Variants in TG observed in about 807,000 individuals in gnomAD.
TG encodes thyroglobulin, also known as thyroid hormones.
In TG, 270 loss-of-function variants were observed where a neutral mutation model predicts 324.7. That is an observed-to-expected ratio of 0.83 (90% CI 0.75 to 0.92). The LOEUF is 0.92. TG is among the 40% of genes least tolerant of loss of function. TG has a pLI of 0.00. For synonymous variants in TG, 1,401 were observed against 1,327.0 expected (o/e 1.06, Z -1.21); for missense variants, 3,591 against 3,456.4 (o/e 1.04, Z -0.98).
At position 132,888,467 on chromosome 8, in the gene TG, G is replaced by C. The variant is rs1349803945; in HGVS notation, c.2660G>C (p.Ser887Thr). ...TACCCGGGGTCCTACTCAGACTTCA[G>C]CACTCCTTTGGCACATTTTGATCTT... ...SQYPGSYSDF[S>T]TPLAHFDLRN... Residue 887 changes from serine (S) to threonine (T), a missense_variant, in exon 10 of 48, where the codon AGC (serine) becomes ACC (threonine). By Grantham distance (58) the Ser-to-Thr change is moderately conservative (BLOSUM62 1). Transcript: ENST00000220616. The C allele has an allele frequency of 1.2e-6, 2 of 1,611,140 alleles. No individual in the cohort carries two copies. The highest frequency in any genetic ancestry group is 1.7e-6 in the Non-Finnish European group (2 of 1,178,392).
chr8:133,087,911 A>C (rs1032552777), intron 41 of TG: 4 of 152,104 alleles, frequency 2.6e-5, no homozygotes, highest in Admixed American at 6.5e-5. Flanking sequence ...AACCTCTTTC[A>C]CCTGCTACTG....
At chr8:133,007,515 G>A (rs1390778927) in intron 35 of TG, among the ~76,000 whole-genome samples, 3 of 152,140 alleles carry the variant, frequency 2.0e-5, no homozygotes. Context: ...GAGTATTTTA[G>A]TGGAGGTAGG....
intron 45 of TG, among the ~76,000 whole-genome samples, chr8:133,121,058 T>C (rs1040971676): frequency 6.6e-6 from 1 of 152,194 alleles, no homozygotes; most frequent in African/African-American, 2.4e-5. Context: ...CCAAGCCATG[T>C]TCATGCAGAG....
At chr8:132,941,832 T>A (rs1038578861) in intron 26 of TG, among the ~76,000 whole-genome samples, 2 of 152,244 alleles carry the variant, frequency 1.3e-5, no homozygotes, top group Non-Finnish European at 2.9e-5. Flanking sequence ...AAGGCTCAGA[T>A]AATTTAAATC....
rs1821356208 is a variant in TG, at chr8:132,923,250, A to C, written c.4529-88A>C. On this transcript the variant is annotated intron_variant, in intron 21 of 47. Transcript: ENST00000220616. ...TCTGAGTTAGATGTGTGACTTGGACACCTTGTCAATGACCGAGAGCCTGGG... is the reference window on the plus strand; with the variant it reads ...TCTGAGTTAGATGTGTGACTTGGACCCCTTGTCAATGACCGAGAGCCTGGG... 3 of 1,427,722 alleles carry C rather than the reference A, an allele frequency of 2.1e-6. No individual in the cohort carries two copies. In the African/African-American group the frequency reaches 4.2e-5, roughly 20 times the overall value. The allele number at this position is 1,427,722 out of a possible 1,614,324, so 88.4% of individuals were successfully genotyped here. A position where few individuals can be genotyped will look rare whatever the true frequency, so the allele number is the denominator to read the frequency against.
intron 38 of TG, among the ~76,000 whole-genome samples, chr8:133,019,076 A>G (rs1835322838): frequency 6.6e-6 from 1 of 152,230 alleles, no homozygotes; most frequent in Admixed American, 6.5e-5. Context: ...AGCTTGGGTC[A>G]TTGTAGTCCA....
At chr8:132,907,740 A>G (rs1818895703) in intron 17 of TG, among the ~76,000 whole-genome samples, 1 of 152,212 alleles carries the variant, frequency 6.6e-6, no homozygotes, top group South Asian at 2.1e-4. Flanking sequence ...TTTGGGGAAA[A>G]GAGGCACAAA....
rs778353394 is a variant in TG, at chr8:133,096,266, C to T, written c.7465C>T (p.Arg2489Cys). Residue 2489 changes from arginine (R) to cysteine (C), a missense_variant, in exon 43 of 48, where the codon CGT becomes TGT. Physicochemically the swap from Arg to Cys is radical, Grantham distance 180. Transcript: ENST00000220616. Reference sequence around the variant, plus strand: ...TCCTGTGATCGATGGCCACTTCCTCCGTGAGCCTCCAGCCAGAGCACTGAA... The same window carrying T: ...TCCTGTGATCGATGGCCACTTCCTCTGTGAGCCTCCAGCCAGAGCACTGAA... ...WGPVIDGHFL[R>C]EPPARALKRS... 1.9e-5 allele frequency: 31 copies of T among 1,614,088 alleles called. No individual in the cohort carries two copies. The highest frequency in any genetic ancestry group is 3.3e-5 in the South Asian group (3 of 91,086).
At position 132,929,130 on chromosome 8, in the gene TG, C is replaced by T. The variant is rs1226127208; in HGVS notation, c.4754C>T (p.Ala1585Val). Residue 1585 changes from alanine (A) to valine (V), a missense_variant, in exon 23 of 48, where the codon GCT (alanine) becomes GTT (valine). Physicochemically the swap from Ala to Val is moderately conservative, Grantham distance 64 (BLOSUM62 0). Transcript: ENST00000220616. ...TCAAAGGTGATCTTCGACGCCAATGCTCCTGTGGCTGTCAGATCCAAAGTT... is the reference window on the plus strand; with the variant it reads ...TCAAAGGTGATCTTCGACGCCAATGTTCCTGTGGCTGTCAGATCCAAAGTT... ...PESKVIFDAN[A>V]PVAVRSKVPD... 1.2e-6 allele frequency: 2 copies of T among 1,614,128 alleles called. No homozygotes were observed. The highest frequency in any genetic ancestry group is 2.2e-5 in the South Asian group (2 of 91,088).
chr8:132,925,910 T>C (rs1166439292), intron 22 of TG, among the ~76,000 whole-genome samples: 1 of 152,122 alleles, frequency 6.6e-6, no homozygotes, highest in Non-Finnish European at 1.5e-5. Flanking sequence ...TGCTCACGAG[T>C]CACAGCTGAG....
intron 31 of TG, among the ~76,000 whole-genome samples, chr8:132,969,201 G>A (rs1051408572): frequency 2.6e-5 from 4 of 151,950 alleles, no homozygotes; most frequent in Non-Finnish European, 1.5e-5. Context: ...GGTCTGTTAG[G>A]CCTATTTTTA....
At chr8:132,966,301 C>G (rs1000615267) in intron 29 of TG, among the ~76,000 whole-genome samples, 1 of 152,176 alleles carries the variant, frequency 6.6e-6, no homozygotes, top group African/African-American at 2.4e-5. Flanking sequence ...AACCCAGAGT[C>G]TAAGATTTTG....
At position 133,070,020 on chromosome 8, in the gene TG, AAAAAAAG is replaced by A. The variant is rs1370003347; in HGVS notation, c.7240-25020_7240-25014del. On this transcript the variant is annotated intron_variant, in intron 41 of 47. Coordinates refer to ENST00000220616, the MANE Select transcript of TG (RefSeq NM_003235.5). Reference sequence around the variant, plus strand: ...CAGCTCCAAAAAAAAAAAAAAAAAAAAAAAAAGAAAGAAAGAAAGAAAAGAAAAGAAG... The same window carrying A: ...CAGCTCCAAAAAAAAAAAAAAAAAAAAAAGAAAGAAAGAAAAGAAAAGAAG... Among the ~76,000 whole-genome samples, 18 of 95,538 alleles carry A rather than the reference AAAAAAAG, an allele frequency of 1.9e-4. 1 individual carries two copies. Among genetic ancestry groups the A allele is most frequent in the African/African-American group, 4.8e-4 (14 of 29,452 alleles). The allele number at this position is 95,538 out of a possible 152,430, so 62.7% of individuals were successfully genotyped here. A position where few individuals can be genotyped will look rare whatever the true frequency, so the allele number is the denominator to read the frequency against.
In TG at chr8:133,133,520, C is replaced by G. The variant is rs1377662259; in HGVS notation, c.8048C>G (p.Thr2683Ser). ...TCACGGAAAGTACCCACATTTGCAA[C>G]CCCCTGGCCTGACTTTGTACCCCGT... ...EFSRKVPTFA[T>S]PWPDFVPRAG... The change falls in exon 47 of 48, where the codon ACC (threonine) becomes AGC (serine). Residue 2683 changes from threonine to serine, a missense_variant. Coordinates refer to ENST00000220616, the MANE Select transcript of TG (RefSeq NM_003235.5). 6.2e-7 allele frequency: 1 copy of G among 1,614,210 alleles called. No individual in the cohort carries two copies. The highest frequency in any genetic ancestry group is 1.3e-5 in the African/African-American group (1 of 75,054).
At chr8:133,062,829 A>C (rs906566053) in intron 41 of TG, among the ~76,000 whole-genome samples, 1 of 150,854 alleles carries the variant, frequency 6.6e-6, no homozygotes, top group East Asian at 2.0e-4. Context: ...GGAAGCACAC[A>C]TGTGACACGC....
At chr8:132,877,688 T>G (rs1038670169) in intron 5 of TG, among the ~76,000 whole-genome samples, 1 of 152,156 alleles carries the variant, frequency 6.6e-6, no homozygotes, top group Non-Finnish European at 1.5e-5. Flanking sequence ...GAGCATAAAC[T>G]CAGAAATGCC....
chr8:132,899,376 G>C (rs1468486096), intron 14 of TG, among the ~76,000 whole-genome samples: 2 of 152,190 alleles, frequency 1.3e-5, no homozygotes, highest in Admixed American at 1.3e-4. Flanking sequence ...AGAGCTCCTA[G>C]AGAACGAATT....
chr8:133,049,838 C>T lies in TG; in HGVS notation c.7239+19815C>T, dbSNP rs557197091. ...CACTATGAATGCTGGAATCTTTGTT[C>T]CACCTTATGAGTCACCAGCATACGC... On this transcript the variant is annotated intron_variant, in intron 41 of 47. Coordinates refer to ENST00000220616, the MANE Select transcript of TG (RefSeq NM_003235.5). 208 of 1,072,604 alleles carry T rather than the reference C, an allele frequency of 1.9e-4. 2 individuals are homozygous for T. In the Middle Eastern group the frequency reaches 2.4e-3, roughly 12 times the overall value. The allele number at this position is 1,072,604 out of a possible 1,614,324, so 66.4% of individuals were successfully genotyped here. A position where few individuals can be genotyped will look rare whatever the true frequency, so the allele number is the denominator to read the frequency against.
chr8:132,905,193 A>G (rs1211042154), intron 16 of TG, among the ~76,000 whole-genome samples: 1 of 152,206 alleles, frequency 6.6e-6, no homozygotes, highest in Non-Finnish European at 1.5e-5. Flanking sequence ...GGGTGAGGAA[A>G]CTGTCACAGA....
Sources: gnomAD v4.1 joint callset for allele counts (sites outside exome capture counted in the v4.1 genomes callset) on GRCh38, gnomAD v4.1.1 for gene constraint, MANE v1.5 for transcripts, NCBI Gene and HGNC (gene_info 2026-07-23, HGNC 2026-07-21) for gene names.